Variants in NOL4 observed in about 807,000 individuals in gnomAD.
NOL4 encodes nucleolar protein 4, also known as cancer/testis antigen 125.
In NOL4, 17 loss-of-function variants were observed where a neutral mutation model predicts 75.9. That is an observed-to-expected ratio of 0.22 (90% CI 0.15 to 0.34). NOL4 has a LOEUF of 0.34. NOL4 is among the 10% of genes least tolerant of loss of function. The pLI is 1.00. For missense variants in NOL4, 614 were observed against 793.5 expected (o/e 0.77, Z 2.72); for synonymous variants, 292 against 289.9 (o/e 1.01, Z -0.07).
chr18:33,912,563 A>AT (rs2066472955), intron 9 of NOL4, among the ~76,000 whole-genome samples: 1 of 152,024 alleles, frequency 6.6e-6, no homozygotes, highest in African/African-American at 2.4e-5. Context: ...GAAAGACTGC[A>AT]TTTTTTCTAC....
At chr18:33,909,273 T>C (rs1188488889) in intron 9 of NOL4, among the ~76,000 whole-genome samples, 1 of 152,148 alleles carries the variant, frequency 6.6e-6, no homozygotes, top group Non-Finnish European at 1.5e-5. Flanking sequence ...TTTTATTCTC[T>C]AGGAGTCTTT....
chr18:33,982,547 A>G (rs771829565), intron 6 of NOL4, among the ~76,000 whole-genome samples: 5 of 152,118 alleles, frequency 3.3e-5, no homozygotes, highest in Non-Finnish European at 7.4e-5. Context: ...ACAACAGAGC[A>G]TCAAAATATA....
chr18:33,985,583 G>T (rs974784079), intron 6 of NOL4, among the ~76,000 whole-genome samples: 4 of 151,902 alleles, frequency 2.6e-5, no homozygotes, highest in South Asian at 4.1e-4. Flanking sequence ...ACTCCAATTT[G>T]TTTTTCCTCT....
intron 1 of NOL4, among the ~76,000 whole-genome samples, chr18:34,162,319 A>G (rs989915267): frequency 2.0e-5 from 3 of 152,214 alleles, no homozygotes; most frequent in Non-Finnish European, 4.4e-5. Flanking sequence ...TGAAAGGATC[A>G]ACAAAATTGA....
intron 5 of NOL4, among the ~76,000 whole-genome samples, chr18:34,039,738 G>A (rs1356242363): frequency 6.6e-6 from 1 of 151,952 alleles, no homozygotes; most frequent in African/African-American, 2.4e-5. Context: ...TCAAAATCAT[G>A]ATATAAAGGA....
intron 1 of NOL4, among the ~76,000 whole-genome samples, chr18:34,140,696 T>C (rs2081110830): frequency 6.6e-6 from 1 of 152,192 alleles, no homozygotes; most frequent in African/African-American, 2.4e-5. Context: ...GTTAATCTTG[T>C]TATGTGTGAA....
rs1182070697 is a variant in NOL4, at chr18:34,123,194, CA to C, written c.414+6676del. ...AACAGATTTGCAGTATTACTCTGGC[CA>C]CTGCGGTGAGCAACTACACCTATAT... On this transcript the variant is annotated intron_variant, in intron 2 of 10. Transcript: ENST00000261592. Among the ~76,000 whole-genome samples the C allele has an allele frequency of 2.6e-5, 4 of 151,408 alleles. No homozygotes were observed. The East Asian group carries it at 7.8e-4, about 29-fold the overall frequency.
intron 1 of NOL4, among the ~76,000 whole-genome samples, chr18:34,210,031 A>T (rs1163226260): frequency 6.6e-6 from 1 of 152,214 alleles, no homozygotes; most frequent in Admixed American, 6.5e-5. Context: ...ATGTTAATTT[A>T]AAAAGCTCTT....
chr18:33,853,977 T>C (rs939563465), intron 10 of NOL4, among the ~76,000 whole-genome samples: 2 of 152,170 alleles, frequency 1.3e-5, no homozygotes, highest in African/African-American at 4.8e-5. Flanking sequence ...TTCACTTTTA[T>C]ACTTCTTAGC....
intron 6 of NOL4, among the ~76,000 whole-genome samples, chr18:33,974,899 A>G (rs2145913412): frequency 6.6e-6 from 1 of 152,332 alleles, no homozygotes; most frequent in East Asian, 1.9e-4. Flanking sequence ...CACAGTATCC[A>G]AGAGGTGAAA....
intron 6 of NOL4, among the ~76,000 whole-genome samples, chr18:33,972,561 T>C (rs1038365791): frequency 5.9e-5 from 9 of 152,134 alleles, no homozygotes; most frequent in Admixed American, 5.9e-4. Context: ...TAGCACTTCC[T>C]CAAAAAATTA....
intron 1 of NOL4, among the ~76,000 whole-genome samples, chr18:34,179,792 C>A (rs2033879269): frequency 6.6e-6 from 1 of 151,560 alleles, no homozygotes; most frequent in African/African-American, 2.4e-5. Context: ...CACCAGAAAG[C>A]AGGCCCCTAT....
At chr18:33,855,566 T>C (rs2062801389) in intron 10 of NOL4, among the ~76,000 whole-genome samples, 1 of 152,010 alleles carries the variant, frequency 6.6e-6, no homozygotes, top group African/African-American at 2.4e-5. Context: ...TAAAGGCACA[T>C]ACCAAGGCAA....
intron 1 of NOL4, chr18:34,222,158 G>A: frequency 6.6e-7 from 1 of 1,513,836 alleles, no homozygotes; most frequent in East Asian, 2.5e-5. Flanking sequence ...AGGCTGAGAT[G>A]CATTGGGCTC....
intron 6 of NOL4, among the ~76,000 whole-genome samples, chr18:34,003,746 C>T (rs937796660): frequency 6.6e-6 from 1 of 152,018 alleles, no homozygotes; most frequent in Non-Finnish European, 1.5e-5. Flanking sequence ...TTATCATTTG[C>T]TTCACTTACT....
chr18:33,984,692 T>C (rs1254328996), intron 6 of NOL4, among the ~76,000 whole-genome samples: 2 of 152,160 alleles, frequency 1.3e-5, no homozygotes, highest in Non-Finnish European at 2.9e-5. Flanking sequence ...CAGAAGCAGA[T>C]GCTGTCCAGC....
intron 9 of NOL4, among the ~76,000 whole-genome samples, chr18:33,905,513 C>T (rs930470547): frequency 6.6e-6 from 1 of 152,072 alleles, no homozygotes; most frequent in African/African-American, 2.4e-5. Context: ...AAAATGAAAA[C>T]CCTATGTGTC....
chr18:33,884,507 T>C (rs1252635027), intron 9 of NOL4, among the ~76,000 whole-genome samples: 3 of 152,146 alleles, frequency 2.0e-5, no homozygotes, highest in Non-Finnish European at 2.9e-5. Context: ...ATAAACTGTA[T>C]ATATTTTCAA....
intron 2 of NOL4, among the ~76,000 whole-genome samples, chr18:34,114,463 A>G (rs1161183659): frequency 6.6e-6 from 1 of 152,160 alleles, no homozygotes; most frequent in Non-Finnish European, 1.5e-5. Context: ...AACAGAAACA[A>G]ACATGTTAAG....
Sources: allele counts gnomAD v4.1 joint callset (sites outside exome capture counted in the v4.1 genomes callset), GRCh38; gene constraint gnomAD v4.1.1; transcripts MANE v1.5; gene names NCBI Gene and HGNC (gene_info 2026-07-23, HGNC 2026-07-21).